Variants in TCF20 observed in about 807,000 individuals in gnomAD.
TCF20 encodes transcription factor 20.
TCF20 carries 3 observed loss-of-function variants against 148.6 expected under a neutral mutation model. The observed-to-expected ratio is 0.02, with a 90% CI of 0.01 to 0.05. The LOEUF (loss-of-function observed/expected upper bound fraction) is 0.05. TCF20 is among the 10% of genes least tolerant of loss of function. The pLI is 1.00. For synonymous variants in TCF20, 1,049 were observed against 909.5 expected (o/e 1.15, Z -2.76); for missense variants, 2,350 against 2,429.3 (o/e 0.97, Z 0.69).
At chr22:42,170,287 C>T (rs1936043647) in intron 3 of TCF20, among the ~76,000 whole-genome samples, 1 of 150,770 alleles carries the variant, frequency 6.6e-6, no homozygotes, top group Non-Finnish European at 1.5e-5. Flanking sequence ...TCACTTGAAT[C>T]CAAGAGTCAA....
Position 42,242,679 on chromosome 22 carries a change from G to C in TCF20, c.-36-27338C>G, listed in dbSNP as rs1924549554. 2.6e-5 allele frequency among the ~76,000 whole-genome samples: 4 copies of C among 152,136 alleles called. No homozygotes were observed. The South Asian group carries it at 6.2e-4, about 24-fold the overall frequency. ...AGGCACGCGGATCACCTGAGGTCAGGAGTTCAAGACCAGCCTGGCCAACAT... is the reference window on the plus strand; with the variant it reads ...AGGCACGCGGATCACCTGAGGTCAGCAGTTCAAGACCAGCCTGGCCAACAT... On this transcript the variant is annotated intron_variant, in intron 1 of 5. Transcript: ENST00000677622.
In TCF20 at chr22:42,211,921, G is replaced by C. The variant is rs1465115636; in HGVS notation, c.3385C>G (p.Leu1129Val). The C allele has an allele frequency of 6.2e-7, 1 of 1,614,204 alleles. No homozygotes were observed. The highest frequency in any genetic ancestry group is 8.5e-7 in the Non-Finnish European group (1 of 1,180,038). Residue 1129 changes from leucine (L) to valine (V), a missense_variant, in exon 2 of 6, where the codon CTT becomes GTT. Physicochemically the swap from Leu to Val is conservative, Grantham distance 32 (BLOSUM62 1). Around this residue, in one of 7 missense-constraint regions of TCF20, gnomAD observed 1,641 missense variants for 1,662.6 expected, o/e 0.99. Coordinates refer to ENST00000677622, the MANE Select transcript of TCF20 (RefSeq NM_001378418.1). ...PRKSPRQQQF[L>V]DRVRSPLKND... ...TTCAGAGGGCTCCGTACTCTGTCAA[G>C]AAACTGCTGCTGCCTTGGACTCTTC...
chr22:42,268,182 A>T (rs1404269583), intron 1 of TCF20, among the ~76,000 whole-genome samples: 1 of 152,228 alleles, frequency 6.6e-6, no homozygotes, highest in Non-Finnish European at 1.5e-5. Flanking sequence ...TAATTTTAAA[A>T]ATTAAATAAT....
intron 1 of TCF20, among the ~76,000 whole-genome samples, chr22:42,248,718 G>T (rs1925120081): frequency 6.6e-6 from 1 of 152,120 alleles, no homozygotes; most frequent in Non-Finnish European, 1.5e-5. Flanking sequence ...CCCAAATGAT[G>T]AAATCCCAAA....
At chr22:42,316,761 GGATC>G (rs1927639826) in intron 1 of TCF20, among the ~76,000 whole-genome samples, 1 of 152,140 alleles carries the variant, frequency 6.6e-6, no homozygotes. Flanking sequence ...GCTGAAGCCA[GGATC>G]CGAACACATC....
chr22:42,164,603 G>A (rs1290523381), intron 5 of TCF20, among the ~76,000 whole-genome samples: 1 of 152,190 alleles, frequency 6.6e-6, no homozygotes, highest in Non-Finnish European at 1.5e-5. Context: ...GGCTTTGATG[G>A]TGCAAAGACA....
intron 1 of TCF20, among the ~76,000 whole-genome samples, chr22:42,332,235 G>T (rs985837880): frequency 3.9e-5 from 6 of 152,222 alleles, no homozygotes; most frequent in African/African-American, 1.2e-4. Context: ...GGGCTCTGAG[G>T]GTATTAGCCA....
intron 2 of TCF20, among the ~76,000 whole-genome samples, chr22:42,195,707 C>G (rs930169493): frequency 6.6e-6 from 1 of 152,080 alleles, no homozygotes; most frequent in Non-Finnish European, 1.5e-5. Context: ...CCCACGTTGG[C>G]CAGGCTAGTC....
At chr22:42,337,260 C>T (rs918924583) in intron 1 of TCF20, among the ~76,000 whole-genome samples, 3 of 152,090 alleles carry the variant, frequency 2.0e-5, no homozygotes, top group Non-Finnish European at 2.9e-5. Flanking sequence ...TCCTCTCCCC[C>T]TTATCCTCTC....
At chr22:42,335,719 G>T (rs968395305) in intron 1 of TCF20, among the ~76,000 whole-genome samples, 2 of 152,148 alleles carry the variant, frequency 1.3e-5, no homozygotes, top group African/African-American at 4.8e-5. Flanking sequence ...ACCTCTAAGT[G>T]CAGCTTCTGA....
At chr22:42,336,655 TA>T (rs1322144691) in intron 1 of TCF20, among the ~76,000 whole-genome samples, 2 of 152,074 alleles carry the variant, frequency 1.3e-5, no homozygotes, top group African/African-American at 4.8e-5. Flanking sequence ...GTCTGGCCCC[TA>T]AACCCCCTCC....
rs1211079078 is a variant in TCF20, at chr22:42,317,534, A to T, written c.-37+25945T>A. Among the ~76,000 whole-genome samples the T allele has an allele frequency of 6.6e-6, 1 of 152,168 alleles. No homozygotes were observed. The highest frequency in any genetic ancestry group is 2.4e-5 in the African/African-American group (1 of 41,444). On this transcript the variant is annotated intron_variant, in intron 1 of 1. Transcript: ENST00000515426. This position sits in a 1 kb window ranked among gnomAD's most constrained non-coding sequence, Gnocchi z 4.2. ...CCCACTCACTACCTGGTACATGGGC[A>T]AAGAAAAATACCCCCATCTCACCAA...
rs542653570 is a variant in TCF20 at position 42,329,879 on chromosome 22, G to A, written c.-37+13600C>T. Among the ~76,000 whole-genome samples the A allele has an allele frequency of 2.6e-5, 4 of 152,286 alleles. 1 individual carries two copies. Among genetic ancestry groups the A allele is most frequent in the South Asian group, 4.1e-4 (2 of 4,834 alleles). On this transcript the variant is annotated intron_variant, in intron 1 of 1. Transcript: ENST00000515426. The stretch of plus-strand genomic sequence containing the variant: ...GGAAAGTGTGGCCCCCGAAATGGCT[G>A]TGGGCTCAGTGGGAGGTGGAGGGAG...
chr22:42,325,066 G>C (rs1440843429), intron 1 of TCF20, among the ~76,000 whole-genome samples: 2 of 152,262 alleles, frequency 1.3e-5, no homozygotes, highest in East Asian at 3.8e-4. Context: ...AAACCGCATG[G>C]GCGGGTGGGA....
intron 3 of TCF20, among the ~76,000 whole-genome samples, chr22:42,172,151 GTGCAGACAATGCCC>G (rs1244750190): frequency 1.1e-3 from 160 of 152,340 alleles, no homozygotes; most frequent in African/African-American, 3.5e-3. Context: ...CAGGAACACT[GTGCAGACAATGCCC>G]TCCTCTGTTC....
chr22:42,264,614 G>T (rs1039891773), intron 1 of TCF20, among the ~76,000 whole-genome samples: 1 of 152,224 alleles, frequency 6.6e-6, no homozygotes, highest in Non-Finnish European at 1.5e-5. Flanking sequence ...CCAGCCCACA[G>T]ATCAAGTTCG....
chr22:42,286,307 C>T (rs763881460), upstream of TCF20, among the ~76,000 whole-genome samples: 7 of 152,200 alleles, frequency 4.6e-5, no homozygotes, highest in Admixed American at 2.6e-4. Context: ...GGAACCTAGG[C>T]AGGGTTGACT....
chr22:42,254,414 T>C (rs1435037507), intron 1 of TCF20, among the ~76,000 whole-genome samples: 1 of 152,222 alleles, frequency 6.6e-6, no homozygotes, highest in East Asian at 1.9e-4. Flanking sequence ...AATTAAACAT[T>C]CACACAGGGT....
chr22:42,180,305 T>C (rs1477881480), intron 2 of TCF20, among the ~76,000 whole-genome samples: 2 of 152,202 alleles, frequency 1.3e-5, no homozygotes, highest in African/African-American at 4.8e-5. Flanking sequence ...ATGAATCTTA[T>C]TTTAAATGCA....
Sources: allele counts gnomAD v4.1 joint callset (sites outside exome capture counted in the v4.1 genomes callset), GRCh38; gene constraint gnomAD v4.1.1; regional missense constraint gnomAD v4.1.1; non-coding constraint Gnocchi (gnomAD v3.1); transcripts MANE v1.5; gene names NCBI Gene and HGNC (gene_info 2026-07-23, HGNC 2026-07-21).